The following GIGYF2 variants were observed in gnomAD, a reference collection of about 807,000 sequenced individuals.
GIGYF2 encodes GRB10 interacting GYF protein 2.
A neutral mutation model predicts 208.1 loss-of-function variants in GIGYF2; 25 were observed. That is an observed-to-expected ratio of 0.12 (90% CI 0.09 to 0.17). The LOEUF (loss-of-function observed/expected upper bound fraction) is 0.17, where lower values mean the gene tolerates loss of function less well. Ranked by LOEUF, GIGYF2 falls within the 10% of genes least tolerant of loss-of-function variation. The pLI, the probability that GIGYF2 is intolerant of heterozygous loss-of-function variation, is 1.00. For missense variants in GIGYF2, 1,302 were observed against 1,579.4 expected, an observed-to-expected ratio of 0.82 and a Z score of 2.98; for synonymous variants, 534 against 543.8, an observed-to-expected ratio of 0.98 and a Z score of 0.25.
rs767568659 is a variant in GIGYF2, at chr2:232,856,846, T to C, written c.3886T>C (p.Leu1296=). ...ERLNMGEIET[L]DDY is the part of the protein sequence containing the mutation. Reference sequence around the variant, plus strand: ...ACTCAACATGGGTGAAATCGAGACGTTGGATGACTACTGAGCACCTGCCAG... The same window carrying C: ...ACTCAACATGGGTGAAATCGAGACGCTGGATGACTACTGAGCACCTGCCAG... The change falls in exon 29 of 29, where the codon TTG becomes CTG. Residue 1296 remains leucine, a synonymous_variant. Coordinates refer to ENST00000373563, the MANE Select transcript of GIGYF2 (RefSeq NM_001103146.3). The C allele has an allele frequency of 6.8e-6, 11 of 1,611,154 alleles. No individual in the cohort carries two copies. Among genetic ancestry groups the C allele is most frequent in the South Asian group, 3.3e-5 (3 of 91,018 alleles).
chr2:232,703,044 C>T (rs1695926823), intron 1 of GIGYF2, among the ~76,000 whole-genome samples: 1 of 152,134 alleles, frequency 6.6e-6, no homozygotes, highest in Admixed American at 6.5e-5. Context: ...CCTTGGCCTT[C>T]CAAAGTGTTA....
chr2:232,831,016 A>G (rs1238880729), intron 21 of GIGYF2, among the ~76,000 whole-genome samples: 1 of 152,184 alleles, frequency 6.6e-6, no homozygotes, highest in Non-Finnish European at 1.5e-5. Context: ...TTTTCTCATG[A>G]ATAGACTGGA....
At chr2:232,846,766 T>C (rs1367580903) in intron 26 of GIGYF2, among the ~76,000 whole-genome samples, 1 of 152,244 alleles carries the variant, frequency 6.6e-6, no homozygotes, top group Non-Finnish European at 1.5e-5. Flanking sequence ...TAGGTGATAT[T>C]ATCCCCATTT....
intron 9 of GIGYF2, among the ~76,000 whole-genome samples, chr2:232,790,351 G>A (rs934345764): frequency 6.6e-6 from 1 of 152,172 alleles, no homozygotes; most frequent in African/African-American, 2.4e-5. Context: ...CATTAAGTCT[G>A]GATGAGGAGT....
At chr2:232,824,622 T>G (rs1701193768) in intron 21 of GIGYF2, among the ~76,000 whole-genome samples, 1 of 152,230 alleles carries the variant, frequency 6.6e-6, no homozygotes, top group East Asian at 1.9e-4. Flanking sequence ...AGAAGCCATT[T>G]CCATAAAATA....
At chr2:232,829,348 AT>A (rs1285556027) in intron 21 of GIGYF2, among the ~76,000 whole-genome samples, 2 of 152,044 alleles carry the variant, frequency 1.3e-5, no homozygotes, top group East Asian at 1.9e-4. Context: ...CACGGTATAT[AT>A]TTTTTTCCTT....
In GIGYF2 at chr2:232,796,096, G is replaced by A. The variant is rs1223882627; in HGVS notation, c.1514G>A (p.Ser505Asn). 2 of 1,610,990 alleles carry A rather than the reference G, an allele frequency of 1.2e-6. No individual in the cohort carries two copies. The highest frequency in any genetic ancestry group is 1.7e-6 in the Non-Finnish European group (2 of 1,177,312). Residue 505 changes from serine (S) to asparagine (N), a missense_variant, in exon 14 of 29, where the codon AGT (serine) becomes AAT (asparagine). This residue lies in a region of GIGYF2 where 69 missense variants were observed against 132.8 expected (regional missense o/e 0.52). Transcript: ENST00000373563. The part of the protein sequence containing the change: ...AEKMVAYLQD[S>N]ALDDERLASK... ...AAAATGGTGGCTTATCTCCAAGACA[G>A]TGCACTAGATGATGAAAGATTGGCA...
At chr2:232,832,052 T>C (rs1199980457) in intron 21 of GIGYF2, among the ~76,000 whole-genome samples, 2 of 152,134 alleles carry the variant, frequency 1.3e-5, no homozygotes, top group Non-Finnish European at 2.9e-5. Flanking sequence ...CTGCCATAGG[T>C]GGACTAGAAG....
intron 2 of GIGYF2, among the ~76,000 whole-genome samples, chr2:232,723,926 C>T (rs1043746578): frequency 6.6e-6 from 1 of 150,568 alleles, no homozygotes; most frequent in Non-Finnish European, 1.5e-5. Context: ...TCAGTAGAGA[C>T]GGGGTTTCTC....
Position 232,771,121 on chromosome 2 carries a change from A to G in GIGYF2, c.532+9685A>G, listed in dbSNP as rs371256707. 2.5e-5 allele frequency: 41 copies of G among 1,614,016 alleles called. No individual in the cohort carries two copies. Among genetic ancestry groups the G allele is most frequent in the Admixed American group, 3.3e-5 (2 of 59,974 alleles). ...ATGATCTAGTTCCAGATCACCATTCATCTCAGCCAGAACATACCAGAGCAC... is the reference window on the plus strand; with the variant it reads ...ATGATCTAGTTCCAGATCACCATTCGTCTCAGCCAGAACATACCAGAGCAC... On this transcript the variant is annotated intron_variant, in intron 8 of 28. Coordinates refer to ENST00000373563, the MANE Select transcript of GIGYF2 (RefSeq NM_001103146.3).
At chr2:232,707,612 T>A (rs909186260) in intron 2 of GIGYF2, among the ~76,000 whole-genome samples, 1 of 151,852 alleles carries the variant, frequency 6.6e-6, no homozygotes, top group African/African-American at 2.4e-5. Flanking sequence ...TCTTCTTAGC[T>A]TTTTGTATTA....
intron 22 of GIGYF2, among the ~76,000 whole-genome samples, chr2:232,838,930 A>G (rs2106417484): frequency 6.6e-6 from 1 of 152,144 alleles, no homozygotes; most frequent in East Asian, 1.9e-4. Flanking sequence ...TCATTTGAAG[A>G]GTTGTTTGGC....
At chr2:232,782,199 CTT>C (rs199740812) in intron 8 of GIGYF2, among the ~76,000 whole-genome samples, 2 of 151,890 alleles carry the variant, frequency 1.3e-5, no homozygotes, top group African/African-American at 4.8e-5. Context: ...AGTACTATTT[CTT>C]TTTAAAAAAT....
intron 21 of GIGYF2, among the ~76,000 whole-genome samples, chr2:232,832,543 CA>C (rs2106408616): frequency 6.6e-6 from 1 of 152,230 alleles, no homozygotes; most frequent in East Asian, 1.9e-4. Flanking sequence ...GCTCACCTCA[CA>C]TGTTGGAGCA....
At chr2:232,717,536 A>G (rs1453700466) in intron 2 of GIGYF2, among the ~76,000 whole-genome samples, 2 of 152,048 alleles carry the variant, frequency 1.3e-5, no homozygotes, top group African/African-American at 2.4e-5. Context: ...ATCTATCACC[A>G]TTTATTATCT....
intron 8 of GIGYF2, among the ~76,000 whole-genome samples, chr2:232,784,597 A>G (rs1023093120): frequency 8.4e-5 from 12 of 142,710 alleles, no homozygotes; most frequent in Admixed American, 7.6e-4. Context: ...TCATCGTGTT[A>G]GCTTGATCTG....
intron 5 of GIGYF2, among the ~76,000 whole-genome samples, chr2:232,751,720 T>C (rs544225541): frequency 6.6e-6 from 1 of 152,308 alleles, no homozygotes; most frequent in African/African-American, 2.4e-5. Context: ...TACCAAAATG[T>C]GGTAGACTTT....
intron 12 of GIGYF2, among the ~76,000 whole-genome samples, chr2:232,793,465 G>A (rs1445424971): frequency 7.2e-5 from 11 of 152,146 alleles, no homozygotes; most frequent in Non-Finnish European, 1.6e-4. Context: ...ACGAAAAGAA[G>A]AGGGAAGAGC....
In GIGYF2 at chr2:232,817,373, TA is replaced by T. The variant is rs377256521; in HGVS notation, c.2370+348del. On this transcript the variant is annotated intron_variant, in intron 20 of 28. Coordinates refer to ENST00000373563, the MANE Select transcript of GIGYF2 (RefSeq NM_001103146.3). ...CAAATTTTAAAAGTTACATGGGCTT[TA>T]AAAAAATTGTGCTAACATATACATA... 5.7e-3 allele frequency among the ~76,000 whole-genome samples: 875 copies of T among 152,330 alleles called. 3 individuals carry two copies. The highest frequency in any genetic ancestry group is 0.02 in the African/African-American group (833 of 41,566).
Sources: gnomAD v4.1 joint callset for allele counts (sites outside exome capture counted in the v4.1 genomes callset) on GRCh38, gnomAD v4.1.1 for gene constraint, gnomAD v4.1.1 regional missense constraint, MANE v1.5 for transcripts, NCBI Gene and HGNC (gene_info 2026-07-23, HGNC 2026-07-21) for gene names.